Variants in EEF1AKMT1 observed in about 807,000 individuals in gnomAD.
The protein encoded by EEF1AKMT1 is N-6 adenine-specific DNA methyltransferase 2 (putative).
Under a neutral mutation model 21.0 loss-of-function variants are expected in EEF1AKMT1, and 18 were observed. The observed-to-expected ratio is 0.86, with a 90% CI of 0.59 to 1.27. The LOEUF (loss-of-function observed/expected upper bound fraction) is 1.27, where lower values mean the gene tolerates loss of function less well. EEF1AKMT1 is among the 50% of genes most tolerant of loss of function. The pLI is 0.00. For missense variants in EEF1AKMT1, 246 were observed against 258.6 expected, an observed-to-expected ratio of 0.95 and a Z score of 0.33; for synonymous variants, 109 against 94.8, an observed-to-expected ratio of 1.15 and a Z score of -0.87.
chr13:20,741,296 C>G (rs1046634708), intron 2 of EEF1AKMT1, among the ~76,000 whole-genome samples: 5 of 151,912 alleles, frequency 3.3e-5, no homozygotes, highest in Non-Finnish European at 4.4e-5. Context: ...TTCTGGAAGA[C>G]AGACTCTCAT....
At chr13:20,772,717 T>C (rs2059068579) in intron 1 of EEF1AKMT1, among the ~76,000 whole-genome samples, 1 of 152,092 alleles carries the variant, frequency 6.6e-6, no homozygotes, top group South Asian at 2.1e-4. Context: ...TTCAGAAAGA[T>C]GGAACAGCAT....
chr13:20,740,298 G>A (rs980659255), intron 2 of EEF1AKMT1, among the ~76,000 whole-genome samples: 2 of 152,190 alleles, frequency 1.3e-5, no homozygotes, highest in Admixed American at 6.5e-5. Context: ...CCCAGTTTCC[G>A]CCCACGTCTC....
At chr13:20,729,487 T>TACACACAC (rs71198993) in intron 4 of EEF1AKMT1, among the ~76,000 whole-genome samples, 2 of 150,582 alleles carry the variant, frequency 1.3e-5, no homozygotes, top group African/African-American at 2.4e-5. Flanking sequence ...AAGCAGATTA[T>TACACACAC]ACACACACAC....
intron 2 of EEF1AKMT1, among the ~76,000 whole-genome samples, chr13:20,754,576 C>T (rs999455366): frequency 2.0e-5 from 3 of 151,970 alleles, no homozygotes; most frequent in Admixed American, 1.3e-4. Flanking sequence ...AATAGGTTTT[C>T]GATCTCTTTT....
At chr13:20,739,274 A>G (rs553010144) in intron 2 of EEF1AKMT1, among the ~76,000 whole-genome samples, 5 of 152,328 alleles carry the variant, frequency 3.3e-5, no homozygotes, top group African/African-American at 9.6e-5. Context: ...AGACCCAAAC[A>G]GTGAGCAGCA....
chr13:20,747,254 A>G (rs191505451), intron 2 of EEF1AKMT1: 7 of 254,344 alleles, frequency 2.8e-5, no homozygotes, highest in East Asian at 8.8e-5. Context: ...AGGGTCTCCA[A>G]TAAGCTTCCT....
At chr13:20,769,841 G>A (rs565519796) in intron 1 of EEF1AKMT1, among the ~76,000 whole-genome samples, 1 of 152,098 alleles carries the variant, frequency 6.6e-6, no homozygotes, top group East Asian at 1.9e-4. Flanking sequence ...CTAGATGGTG[G>A]GCCTCATAGA....
Position 20,773,538 on chromosome 13 carries a change from GA to G in EEF1AKMT1, c.-20+382del, listed in dbSNP as rs1386902849. On this transcript the variant is annotated intron_variant, in intron 1 of 4. Coordinates refer to ENST00000382758, the MANE Select transcript of EEF1AKMT1 (RefSeq NM_001318939.2). ...TCAGCGAACTTCTGAGGGCAAAGAT[GA>G]AAAGGACAGCAGGCCGAGTCCTGTT... 2.6e-5 allele frequency among the ~76,000 whole-genome samples: 4 copies of G among 152,356 alleles called. No homozygotes were observed. In the East Asian group the frequency reaches 7.7e-4, roughly 29 times the overall value.
chr13:20,730,906 G>C (rs992266913), intron 4 of EEF1AKMT1, among the ~76,000 whole-genome samples: 1 of 152,180 alleles, frequency 6.6e-6, no homozygotes, highest in African/African-American at 2.4e-5. Context: ...AAAGCTTGCT[G>C]TTGCTCACTC....
intron 3 of EEF1AKMT1, 64 bp from the exon 4 acceptor site, chr13:20,732,185 T>G: frequency 6.6e-7 from 1 of 1,514,898 alleles, no homozygotes; most frequent in Non-Finnish European, 8.9e-7. Context: ...GTTAACAACT[T>G]CTTCACTAAA....
chr13:20,743,655 T>C (rs1187791985), intron 2 of EEF1AKMT1, among the ~76,000 whole-genome samples: 3 of 151,444 alleles, frequency 2.0e-5, no homozygotes, highest in African/African-American at 4.9e-5. Context: ...CACTTGACCT[T>C]GTGCTTTTTT....
chr13:20,732,101 G>C lies in EEF1AKMT1; in HGVS notation c.248C>G (p.Pro83Arg). 6.2e-7 allele frequency: 1 copy of C among 1,612,000 alleles called. No homozygotes were observed. Among genetic ancestry groups the C allele is most frequent in the East Asian group, 2.2e-5 (1 of 44,860 alleles). ...EGGRIACVSA[P>R]SVYQKLRELC... ...CTCTCTGAGTTTCTGGTAAACACTAGGGGCACTCACACATGCGATTCTAGG... is the reference window on the plus strand; with the variant it reads ...CTCTCTGAGTTTCTGGTAAACACTACGGGCACTCACACATGCGATTCTAGG... Residue 83 changes from proline (P) to arginine (R), a missense_variant, in exon 4 of 5, where the codon CCT becomes CGT. Pro to Arg is a moderately radical substitution (Grantham distance 103). Transcript: ENST00000382758.
intron 1 of EEF1AKMT1, among the ~76,000 whole-genome samples, chr13:20,770,682 A>G (rs746723655): frequency 6.6e-6 from 1 of 152,198 alleles, no homozygotes; most frequent in Non-Finnish European, 1.5e-5. Context: ...ATTCAGGAGA[A>G]AAATCAGGCA....
intron 2 of EEF1AKMT1, among the ~76,000 whole-genome samples, chr13:20,749,414 A>G (rs1413743458): frequency 5.9e-5 from 9 of 152,104 alleles, no homozygotes; most frequent in Non-Finnish European, 1.3e-4. Flanking sequence ...CTCCTACTAT[A>G]TGCATCAGAT....
chr13:20,741,239 C>G (rs1165829796), intron 2 of EEF1AKMT1, among the ~76,000 whole-genome samples: 1 of 151,736 alleles, frequency 6.6e-6, no homozygotes, highest in Non-Finnish European at 1.5e-5. Context: ...ACTTTTACCA[C>G]TTATGTTCAC....
chr13:20,758,902 CA>C (rs1226954383), intron 1 of EEF1AKMT1, among the ~76,000 whole-genome samples: 3 of 152,042 alleles, frequency 2.0e-5, no homozygotes, highest in Admixed American at 1.3e-4. Context: ...ATCAAGTCAA[CA>C]AAAATAAACA....
At chr13:20,730,989 G>A (rs1315419223) in intron 4 of EEF1AKMT1, among the ~76,000 whole-genome samples, 1 of 152,110 alleles carries the variant, frequency 6.6e-6, no homozygotes, top group Admixed American at 6.6e-5. Context: ...TGAAGTCAGC[G>A]AGACCACGAA....
At chr13:20,735,727 T>A (rs1329976024) in intron 3 of EEF1AKMT1, among the ~76,000 whole-genome samples, 1 of 152,176 alleles carries the variant, frequency 6.6e-6, no homozygotes, top group African/African-American at 2.4e-5. Context: ...AAATATATCA[T>A]ATGAAATTAA....
At chr13:20,764,893 A>G (rs1415802413) in intron 1 of EEF1AKMT1, among the ~76,000 whole-genome samples, 2 of 149,284 alleles carry the variant, frequency 1.3e-5, no homozygotes, top group Non-Finnish European at 3.0e-5. Context: ...ACACACACAC[A>G]CACACACACA....
Sources: gnomAD v4.1 joint callset for allele counts (sites outside exome capture counted in the v4.1 genomes callset) on GRCh38, gnomAD v4.1.1 for gene constraint, MANE v1.5 for transcripts, NCBI Gene and HGNC (gene_info 2026-07-23, HGNC 2026-07-21) for gene names.